The following MAP4K4 variants were observed in gnomAD, a reference collection of about 807,000 sequenced individuals.
MAP4K4 encodes HPK/GCK-like kinase HGK.
MAP4K4 carries 38 observed loss-of-function variants against 189.6 expected under a neutral mutation model. That is an observed-to-expected ratio of 0.20 (90% CI 0.15 to 0.26). The LOEUF (loss-of-function observed/expected upper bound fraction) is 0.26. Ranked by LOEUF, MAP4K4 falls within the 10% of genes least tolerant of loss-of-function variation. The pLI is 1.00. For synonymous variants in MAP4K4, 610 were observed against 624.3 expected (o/e 0.98, Z 0.34); for missense variants, 1,054 against 1,726.9 (o/e 0.61, Z 6.91).
intron 2 of MAP4K4, among the ~76,000 whole-genome samples, chr2:101,789,135 G>T (rs1204199553): frequency 6.6e-6 from 1 of 152,158 alleles, no homozygotes; most frequent in East Asian, 1.9e-4. Context: ...TAGTAATTTG[G>T]AAATAAACTC....
chr2:101,728,382 G>T (rs765403247), intron 2 of MAP4K4, among the ~76,000 whole-genome samples: 9 of 152,134 alleles, frequency 5.9e-5, no homozygotes, highest in Non-Finnish European at 1.2e-4. Flanking sequence ...CACACTTTGA[G>T]ATAAAATTAT....
At chr2:101,760,534 G>GTATA (rs1256001407) in intron 2 of MAP4K4, among the ~76,000 whole-genome samples, 7 of 124,732 alleles carry the variant, frequency 5.6e-5, no homozygotes, top group African/African-American at 2.5e-4. Flanking sequence ...GTATATATGT[G>GTATA]TGTGTGTGTG....
chr2:101,865,045 C>G lies in MAP4K4; in HGVS notation c.2204+9C>G. The G allele has an allele frequency of 6.6e-7, 1 of 1,518,424 alleles. No homozygotes were observed. The highest frequency in any genetic ancestry group is 9.0e-7 in the Non-Finnish European group (1 of 1,115,324). 94.1% of individuals were successfully genotyped at this position (1,518,424 alleles called of 1,614,324 possible). On this transcript the variant is annotated intron_variant, in intron 18 of 32. Transcript: ENST00000324219. The stretch of plus-strand genomic sequence containing the variant: ...CAGAGAAACTCCACCAGGTAAAAGA[C>G]AAGTGAGCACTGAGAACAGGCCTTC...
At chr2:101,887,349 G>A (rs971080216) in intron 30 of MAP4K4, 112 bp downstream of exon 30, 44 of 1,059,210 alleles carry the variant, frequency 4.2e-5, no homozygotes, top group Middle Eastern at 3.2e-4. Flanking sequence ...TCCCCTTGGT[G>A]TGGGGGTGAG....
intron 3 of MAP4K4, among the ~76,000 whole-genome samples, chr2:101,823,152 A>T (rs764737061): frequency 6.6e-6 from 1 of 152,200 alleles, no homozygotes; most frequent in Non-Finnish European, 1.5e-5. Flanking sequence ...AGACTTTGTC[A>T]TTCACAAGGG....
intron 2 of MAP4K4, among the ~76,000 whole-genome samples, chr2:101,750,974 T>C (rs2149968298): frequency 6.6e-6 from 1 of 152,266 alleles, no homozygotes; most frequent in Middle Eastern, 3.4e-3. Context: ...CTTCCTTCTG[T>C]TTTGAATTTG....
intron 2 of MAP4K4, among the ~76,000 whole-genome samples, chr2:101,784,241 G>A (rs575315582): frequency 2.2e-4 from 33 of 151,584 alleles, no homozygotes; most frequent in African/African-American, 7.8e-4. Context: ...TCTAGGGCAT[G>A]GTATTTCTCT....
chr2:101,883,706 T>C (rs946249248), intron 28 of MAP4K4, among the ~76,000 whole-genome samples: 3 of 152,174 alleles, frequency 2.0e-5, no homozygotes, highest in African/African-American at 7.2e-5. Context: ...TTGTGTGTTT[T>C]CTTTTTTCTA....
At chr2:101,861,893 T>A (rs966225567) in intron 16 of MAP4K4, 5 of 151,570 alleles carry the variant, frequency 3.3e-5, no homozygotes, top group Admixed American at 6.6e-5. Context: ...AAGTTTATGT[T>A]CTTGTGGCAG....
intron 5 of MAP4K4, 92 bp downstream of exon 5, chr2:101,825,521 A>T: frequency 1.4e-6 from 1 of 701,322 alleles, no homozygotes. Context: ...TGCATTACTT[A>T]TATCTATATA....
chr2:101,704,552 T>C (rs1232945412), intron 2 of MAP4K4, among the ~76,000 whole-genome samples: 2 of 77,614 alleles, frequency 2.6e-5, no homozygotes, highest in Non-Finnish European at 4.8e-5. Flanking sequence ...TATATATATA[T>C]ATATATATAT....
At chr2:101,807,819 A>T (rs1375746153) in intron 3 of MAP4K4, among the ~76,000 whole-genome samples, 1 of 152,224 alleles carries the variant, frequency 6.6e-6, no homozygotes, top group Non-Finnish European at 1.5e-5. Flanking sequence ...AGCGCTCTGC[A>T]CACTTCTAAA....
chr2:101,869,371 A>G (rs2097914583), intron 21 of MAP4K4, among the ~76,000 whole-genome samples: 2 of 151,338 alleles, frequency 1.3e-5, no homozygotes, highest in African/African-American at 4.9e-5. Flanking sequence ...TTTTATTGTC[A>G]TGGGATTTGA....
intron 9 of MAP4K4, among the ~76,000 whole-genome samples, chr2:101,838,521 C>G (rs1263240528): frequency 6.6e-6 from 1 of 152,192 alleles, no homozygotes; most frequent in Non-Finnish European, 1.5e-5. Context: ...TCATATCATT[C>G]CTTCACTCTG....
At chr2:101,831,751 G>A (rs2096601826) in exon 7 of MAP4K4, 1 of 1,603,766 alleles carries the variant, frequency 6.2e-7, no homozygotes, top group Admixed American at 1.7e-5. Flanking sequence ...CAGCTGGACA[G>A]GACTGTGGGG....
At position 101,754,146 on chromosome 2, in the gene MAP4K4, A is replaced by G. The variant is rs1314193944; in HGVS notation, c.124-36574A>G. 2.6e-5 allele frequency among the ~76,000 whole-genome samples: 4 copies of G among 152,082 alleles called. No homozygotes were observed. In the East Asian group the frequency reaches 7.7e-4, roughly 29 times the overall value. ...ATTAATCTAGCCCTGTCTGCATCTT[A>G]TATTATATGTGAATGTGAAATGCCT... is the stretch of plus-strand genomic sequence containing the variant. On this transcript the variant is annotated intron_variant, in intron 2 of 32. Transcript: ENST00000324219.
At chr2:101,857,584 A>G (rs1173258989) in intron 13 of MAP4K4, among the ~76,000 whole-genome samples, 1 of 152,204 alleles carries the variant, frequency 6.6e-6, no homozygotes, top group Non-Finnish European at 1.5e-5. Context: ...TTAAGGCCAC[A>G]AGCCTTGCTA....
intron 12 of MAP4K4, 144 bp from the exon 13 acceptor site, chr2:101,855,831 AGT>A (rs1318483209): frequency 4.6e-6 from 3 of 657,066 alleles, no homozygotes; most frequent in Non-Finnish European, 7.7e-6. Context: ...TCCGAGGGGC[AGT>A]GTGGAAATAA....
chr2:101,804,212 G>T (rs1319705471), intron 3 of MAP4K4, among the ~76,000 whole-genome samples: 1 of 152,100 alleles, frequency 6.6e-6, no homozygotes, highest in African/African-American at 2.4e-5. Flanking sequence ...TTATATTTTG[G>T]CTGTAATCCT....
Sources: allele counts gnomAD v4.1 joint callset (sites outside exome capture counted in the v4.1 genomes callset), GRCh38; gene constraint gnomAD v4.1.1; transcripts MANE v1.5; gene names NCBI Gene and HGNC (gene_info 2026-07-23, HGNC 2026-07-21).